The following CSGALNACT2 variants were observed in gnomAD, a reference collection of about 807,000 sequenced individuals.
CSGALNACT2 encodes chondroitin sulfate N-acetylgalactosaminyltransferase 2, also known as beta 4 GalNAcT-2.
In CSGALNACT2, 35 loss-of-function variants were observed where a neutral mutation model predicts 55.3. That is an observed-to-expected ratio of 0.63 (90% CI 0.48 to 0.84). The LOEUF (loss-of-function observed/expected upper bound fraction) is 0.84. Among genes scored for constraint, CSGALNACT2 ranks in the 40% least tolerant of loss-of-function variants. The pLI is 0.00. For synonymous variants in CSGALNACT2, 196 were observed against 224.9 expected, an observed-to-expected ratio of 0.87 and a Z score of 1.15; for missense variants, 544 against 657.5, an observed-to-expected ratio of 0.83 and a Z score of 1.89.
chr10:43,155,966 A>G (rs916973402), intron 2 of CSGALNACT2, among the ~76,000 whole-genome samples, 156 bp downstream of exon 2: 1 of 152,238 alleles, frequency 6.6e-6, no homozygotes, highest in Admixed American at 6.5e-5. Context: ...CCACAGTATT[A>G]AAACACTGAA....
chr10:43,162,866 T>G (rs1193609196), intron 4 of CSGALNACT2: 1 of 984,270 alleles, frequency 1.0e-6, no homozygotes, highest in Admixed American at 6.1e-5. Flanking sequence ...GGGGCCTCAC[T>G]GTGAGAACCA....
intron 1 of CSGALNACT2, among the ~76,000 whole-genome samples, chr10:43,140,433 G>C (rs998535809): frequency 2.0e-5 from 3 of 152,058 alleles, no homozygotes; most frequent in Non-Finnish European, 4.4e-5. Flanking sequence ...TTTTAAAAAA[G>C]CATAACTATT....
In CSGALNACT2 at chr10:43,183,575, A is replaced by G; in HGVS notation, c.*33A>G. 2 of 1,565,900 alleles carry G rather than the reference A, an allele frequency of 1.3e-6. No individual in the cohort carries two copies. The highest frequency in any genetic ancestry group is 1.8e-6 in the Non-Finnish European group (2 of 1,138,422). ...ATTAATGCGTTACTGTATGAACCAC[A>G]AAACAGCACTATTTATTTAGCCTTA... On this transcript the variant is annotated 3_prime_UTR_variant, in exon 8 of 8. Transcript: ENST00000374466.
intron 7 of CSGALNACT2, 126 bp downstream of exon 7, chr10:43,176,158 G>C: frequency 4.8e-6 from 3 of 619,226 alleles, no homozygotes; most frequent in Non-Finnish European, 7.9e-6. Context: ...GCTAAAAAGA[G>C]AAACTGGATA....
At chr10:43,142,984 T>C (rs1432366093) in intron 1 of CSGALNACT2, among the ~76,000 whole-genome samples, 1 of 152,246 alleles carries the variant, frequency 6.6e-6, no homozygotes, top group African/African-American at 2.4e-5. Context: ...TGAGCACTTA[T>C]GCTTGTCATG....
At chr10:43,153,154 A>G (rs1284533992) in intron 1 of CSGALNACT2, among the ~76,000 whole-genome samples, 1 of 151,836 alleles carries the variant, frequency 6.6e-6, no homozygotes, top group Non-Finnish European at 1.5e-5. Flanking sequence ...TGAGACCACG[A>G]TGAAACCCCG....
intron 7 of CSGALNACT2, among the ~76,000 whole-genome samples, chr10:43,181,516 A>G (rs1297134307): frequency 1.3e-5 from 2 of 152,214 alleles, no homozygotes; most frequent in East Asian, 1.9e-4. Flanking sequence ...AAAAGCTGAT[A>G]TGTATCAGAC....
chr10:43,138,498 C>T lies in CSGALNACT2; in HGVS notation c.-323C>T, dbSNP rs1184449122. 2 of 150,672 alleles carry T rather than the reference C, an allele frequency of 1.3e-5. No individual in the cohort carries two copies. The highest frequency in any genetic ancestry group is 3.0e-5 in the Non-Finnish European group (2 of 67,608). 9.3% of individuals were successfully genotyped at this position (150,672 alleles called of 1,614,324 possible). On this transcript the variant is annotated 5_prime_UTR_variant, in exon 1 of 8. Coordinates refer to ENST00000374466, the MANE Select transcript of CSGALNACT2 (RefSeq NM_018590.5). The stretch of plus-strand genomic sequence containing the variant: ...TGGGTGGCTGAGGCGGCGGCGGGCC[C>T]AAGGCGTGAGGCGCCGCCCGGGTGT...
Position 43,167,020 on chromosome 10 carries a change from C to A in CSGALNACT2, c.1176C>A (p.Tyr392Ter). The A allele has an allele frequency of 6.2e-7, 1 of 1,609,428 alleles. No individual in the cohort carries two copies. The highest frequency in any genetic ancestry group is 1.1e-5 in the South Asian group (1 of 90,924). The change falls in exon 6 of 8, where the codon TAC (tyrosine) becomes TAA (stop). Residue 392 changes from tyrosine to a stop codon, truncating the protein, a stop_gained. Transcript: ENST00000374466. LOFTEE classifies it high-confidence loss of function. The stretch of plus-strand genomic sequence containing the variant: ...AATTTGTAGGTAAGAAGGTGTTTTA[C>A]CCTGTGGTGTTCAGTCTTTACAATC... Reference protein sequence around the residue: ...LNAEPGKKVFYPVVFSLYNPA... With the variant: ...LNAEPGKKVF
chr10:43,155,776 G>A lies in CSGALNACT2; in HGVS notation c.627G>A (p.Glu209=). 3 of 1,610,222 alleles carry A rather than the reference G, an allele frequency of 1.9e-6. No homozygotes were observed. The South Asian group carries it at 3.3e-5, about 18-fold the overall frequency. ...EQEDEEGPLG[E]KLIFNENDFV... ...AAGATGAGGAGGGTCCCCTTGGAGA[G>A]AAACTGATATTTAATGAAAATGACT... Residue 209 remains glutamate, a synonymous_variant, in exon 2 of 8, where the codon GAG becomes GAA. Transcript: ENST00000374466.
At chr10:43,153,511 A>C (rs1838926232) in intron 1 of CSGALNACT2, among the ~76,000 whole-genome samples, 1 of 152,114 alleles carries the variant, frequency 6.6e-6, no homozygotes, top group Non-Finnish European at 1.5e-5. Flanking sequence ...AAAAAAAAAA[A>C]ATACGCATTG....
At chr10:43,156,207 A>T (rs979072089) in intron 2 of CSGALNACT2, among the ~76,000 whole-genome samples, 3 of 152,204 alleles carry the variant, frequency 2.0e-5, no homozygotes, top group Non-Finnish European at 4.4e-5. Flanking sequence ...GGAAAGAAAA[A>T]ATTAGTAGAC....
rs71016727 is a variant in CSGALNACT2, at chr10:43,145,410, CTTTTTTTTTTT to C, written c.-254+6857_-254+6867del. ...TGGCGTAGCCTAAGTTTGTTTGTTT[CTTTTTTTTTTT>C]TTTTTTTTTTTTTAAGAGACAGGGC... is the stretch of plus-strand genomic sequence containing the variant. On this transcript the variant is annotated intron_variant, in intron 1 of 7. Transcript: ENST00000374466. Among the ~76,000 whole-genome samples, 18 of 99,402 alleles carry C rather than the reference CTTTTTTTTTTT, an allele frequency of 1.8e-4. No homozygotes were observed. In the South Asian group the frequency reaches 5.6e-3, roughly 31 times the overall value. 65.2% of individuals were successfully genotyped at this position (99,402 alleles called of 152,430 possible).
chr10:43,165,379 A>G (rs12256246), intron 5 of CSGALNACT2, among the ~76,000 whole-genome samples: 4,454 of 152,274 alleles, frequency 0.029, 167 homozygotes, highest in East Asian at 0.097. Flanking sequence ...ACCAAAAAAA[A>G]AAAAGGTTAA....
chr10:43,176,542 C>T (rs1839484162), intron 7 of CSGALNACT2, among the ~76,000 whole-genome samples: 1 of 152,198 alleles, frequency 6.6e-6, no homozygotes, highest in South Asian at 2.1e-4. Context: ...CTTAGTCATG[C>T]ATTCCCCTAA....
chr10:43,147,076 C>T (rs975597155), intron 1 of CSGALNACT2, among the ~76,000 whole-genome samples: 6 of 136,998 alleles, frequency 4.4e-5, no homozygotes, highest in Admixed American at 7.3e-5. Flanking sequence ...CCCGGGTTCA[C>T]GCCATTCTCC....
At chr10:43,181,032 C>G (rs879680585) in intron 7 of CSGALNACT2, among the ~76,000 whole-genome samples, 1 of 152,216 alleles carries the variant, frequency 6.6e-6, no homozygotes, top group Non-Finnish European at 1.5e-5. Flanking sequence ...TTCCCCTTCC[C>G]CACTGCTGGA....
chr10:43,170,243 A>C (rs1297836911), intron 6 of CSGALNACT2, among the ~76,000 whole-genome samples: 2 of 152,188 alleles, frequency 1.3e-5, no homozygotes, highest in Non-Finnish European at 2.9e-5. Context: ...AACCAGTGAC[A>C]CCCTAACAGT....
intron 2 of CSGALNACT2, 61 bp downstream of exon 2, chr10:43,155,871 C>A: frequency 7.4e-7 from 1 of 1,343,654 alleles, no homozygotes; most frequent in Non-Finnish European, 1.0e-6. Context: ...GTATTGTATG[C>A]TGGTATTGTA....
Sources: gnomAD v4.1 joint callset for allele counts (sites outside exome capture counted in the v4.1 genomes callset) on GRCh38, gnomAD v4.1.1 for gene constraint, MANE v1.5 for transcripts, NCBI Gene and HGNC (gene_info 2026-07-23, HGNC 2026-07-21) for gene names.